Variants in PAPPA2 observed in about 807,000 individuals in gnomAD.
The protein encoded by PAPPA2 is pappalysin 2.
PAPPA2 carries 86 observed loss-of-function variants against 176.4 expected under a neutral mutation model. That is an observed-to-expected ratio of 0.49 (90% CI 0.41 to 0.58). The LOEUF (loss-of-function observed/expected upper bound fraction) is 0.58, where lower values mean the gene tolerates loss of function less well. Among genes scored for constraint, PAPPA2 ranks in the 20% least tolerant of loss-of-function variants. PAPPA2 has a pLI of 0.00. For missense variants in PAPPA2, 2,073 were observed against 2,256.9 expected (o/e 0.92, Z 1.65); for synonymous variants, 809 against 852.2 (o/e 0.95, Z 0.88).
At chr1:176,799,912 TAGC>T in intron 20 of PAPPA2, 146 bp from the exon 21 acceptor site, 1 of 729,542 alleles carries the variant, frequency 1.4e-6, no homozygotes, top group South Asian at 1.7e-5. Context: ...AAAGGCTAGA[TAGC>T]CCCAATCCAC....
intron 2 of PAPPA2, among the ~76,000 whole-genome samples, chr1:176,566,536 GTGTT>G (rs756625520): frequency 3.3e-5 from 5 of 152,144 alleles, no homozygotes; most frequent in Admixed American, 1.3e-4. Flanking sequence ...TGGGAGCTGT[GTGTT>G]CTTTCTCAGA....
intron 8 of PAPPA2, among the ~76,000 whole-genome samples, chr1:176,701,112 G>A (rs926444913): frequency 3.3e-5 from 5 of 151,744 alleles, no homozygotes; most frequent in Non-Finnish European, 5.9e-5. Flanking sequence ...TTTTGTAGAT[G>A]AAAAATCTGA....
chr1:176,518,131 C>T (rs999955094), intron 1 of PAPPA2, among the ~76,000 whole-genome samples: 7 of 152,148 alleles, frequency 4.6e-5, no homozygotes, highest in Non-Finnish European at 2.9e-5. Context: ...ATCTACCTAC[C>T]TACTTACCTA....
intron 12 of PAPPA2, among the ~76,000 whole-genome samples, chr1:176,721,115 A>G (rs1395537976): frequency 6.6e-6 from 1 of 152,172 alleles, no homozygotes; most frequent in Non-Finnish European, 1.5e-5. Flanking sequence ...ATAATGCTTT[A>G]CCAGCCATCA....
intron 10 of PAPPA2, among the ~76,000 whole-genome samples, chr1:176,708,523 GTA>G (rs1019548229): frequency 7.5e-6 from 1 of 133,480 alleles, no homozygotes; most frequent in African/African-American, 2.8e-5. Context: ...AAAACTATAC[GTA>G]CATGTAGAGA....
At chr1:176,842,037 T>G (rs1158068676) in intron 22 of PAPPA2, among the ~76,000 whole-genome samples, 1 of 152,190 alleles carries the variant, frequency 6.6e-6, no homozygotes, top group Non-Finnish European at 1.5e-5. Context: ...TTTTTAGATA[T>G]GAGTGGTAAT....
chr1:176,684,894 G>A (rs1659759781), intron 4 of PAPPA2, among the ~76,000 whole-genome samples: 1 of 152,174 alleles, frequency 6.6e-6, no homozygotes, highest in Non-Finnish European at 1.5e-5. Flanking sequence ...TTGTCTGTTT[G>A]CAGCCCTGTC....
chr1:176,627,534 A>G (rs1357764474), intron 3 of PAPPA2, among the ~76,000 whole-genome samples: 2 of 152,232 alleles, frequency 1.3e-5, no homozygotes, highest in African/African-American at 2.4e-5. Context: ...TCTGGTGTCT[A>G]TAACTGAATT....
At chr1:176,732,441 G>A (rs960805411) in intron 12 of PAPPA2, among the ~76,000 whole-genome samples, 1 of 152,128 alleles carries the variant, frequency 6.6e-6, no homozygotes, top group African/African-American at 2.4e-5. Context: ...CATTTGGATT[G>A]GATGATTTCT....
chr1:176,467,907 C>A (rs1459326743), intron 1 of PAPPA2, among the ~76,000 whole-genome samples: 1 of 152,136 alleles, frequency 6.6e-6, no homozygotes, highest in East Asian at 1.9e-4. Flanking sequence ...AAGACACTCT[C>A]TGTACAGTGG....
chr1:176,777,257 A>G (rs1002204575), intron 17 of PAPPA2, among the ~76,000 whole-genome samples: 2 of 152,198 alleles, frequency 1.3e-5, no homozygotes, highest in Non-Finnish European at 2.9e-5. Flanking sequence ...ATATTAAAAC[A>G]CAAATGCTGC....
chr1:176,695,887 T>A (rs1292012845), intron 7 of PAPPA2, 28 bp downstream of exon 7: 1 of 1,610,802 alleles, frequency 6.2e-7, no homozygotes, highest in East Asian at 2.2e-5. Context: ...TTTTTCTTTA[T>A]ACCCTGGTGA....
intron 2 of PAPPA2, among the ~76,000 whole-genome samples, chr1:176,586,339 A>T (rs1653306520): frequency 6.6e-6 from 1 of 152,174 alleles, no homozygotes; most frequent in African/African-American, 2.4e-5. Flanking sequence ...TCTTCAAAAA[A>T]AAATAGGGAT....
chr1:176,609,613 C>G (rs1654797762), intron 3 of PAPPA2, among the ~76,000 whole-genome samples: 1 of 152,164 alleles, frequency 6.6e-6, no homozygotes, highest in South Asian at 2.1e-4. Flanking sequence ...AAGGAGCTAG[C>G]ATGCCTGAAC....
intron 4 of PAPPA2, among the ~76,000 whole-genome samples, chr1:176,686,151 G>A (rs1055006719): frequency 6.6e-6 from 1 of 152,156 alleles, no homozygotes; most frequent in Non-Finnish European, 1.5e-5. Context: ...GGTGCAAACT[G>A]GTTGTATTAG....
chr1:176,537,738 G>GTGTGTGTT (rs1481379451), intron 1 of PAPPA2, among the ~76,000 whole-genome samples: 1 of 151,706 alleles, frequency 6.6e-6, no homozygotes, highest in Non-Finnish European at 1.5e-5. Context: ...GTGTGTGTGT[G>GTGTGTGTT]TGTGTGTGTG....
At chr1:176,631,864 G>T (rs958935484) in intron 3 of PAPPA2, among the ~76,000 whole-genome samples, 2 of 152,154 alleles carry the variant, frequency 1.3e-5, no homozygotes, top group Admixed American at 1.3e-4. Context: ...GAAAGAGCCA[G>T]GAGAATATAA....
intron 2 of PAPPA2, among the ~76,000 whole-genome samples, chr1:176,593,355 C>G (rs866167831): frequency 1.7e-4 from 26 of 152,192 alleles, no homozygotes; most frequent in African/African-American, 6.0e-4. Context: ...GGGAGAATGA[C>G]TCTTGATGTT....
intron 4 of PAPPA2, among the ~76,000 whole-genome samples, chr1:176,684,068 G>T (rs1007247925): frequency 2.0e-5 from 3 of 152,136 alleles, no homozygotes; most frequent in South Asian, 2.1e-4. Context: ...GCTAAACCAT[G>T]GATGGAATCG....
Sources: allele counts gnomAD v4.1 joint callset (sites outside exome capture counted in the v4.1 genomes callset), GRCh38; gene constraint gnomAD v4.1.1; transcripts MANE v1.5; gene names NCBI Gene and HGNC (gene_info 2026-07-23, HGNC 2026-07-21).